The following PTK2 variants were observed in gnomAD, a reference collection of about 807,000 sequenced individuals.
PTK2 encodes the protein focal adhesion kinase 1.
A neutral mutation model predicts 150.1 loss-of-function variants in PTK2; 45 were observed. The observed-to-expected ratio is 0.30, with a 90% CI of 0.24 to 0.38. The LOEUF (loss-of-function observed/expected upper bound fraction) is 0.38. PTK2 is among the 10% of genes least tolerant of loss of function. The pLI is 1.00. For missense variants in PTK2, 919 were observed against 1,307.3 expected, an observed-to-expected ratio of 0.70 and a Z score of 4.58; for synonymous variants, 432 against 449.2, an observed-to-expected ratio of 0.96 and a Z score of 0.48.
At chr8:140,986,374 C>T (rs1190347704) in intron 1 of PTK2, among the ~76,000 whole-genome samples, 1 of 152,162 alleles carries the variant, frequency 6.6e-6, no homozygotes, top group Non-Finnish European at 1.5e-5. Context: ...AACCCTCCTT[C>T]TGAAAAAGAC....
At chr8:140,864,888 T>C (rs1413762458) in intron 4 of PTK2, among the ~76,000 whole-genome samples, 1 of 152,260 alleles carries the variant, frequency 6.6e-6, no homozygotes, top group Non-Finnish European at 1.5e-5. Flanking sequence ...AACACTTTTA[T>C]AAATGTCTTC....
intron 7 of PTK2, among the ~76,000 whole-genome samples, chr8:140,838,998 C>T (rs1296662200): frequency 6.7e-6 from 1 of 150,002 alleles, no homozygotes; most frequent in Non-Finnish European, 1.5e-5. Flanking sequence ...GAGTGAGACT[C>T]CGTCTCAAAA....
At position 140,743,505 on chromosome 8, in the gene PTK2, A is replaced by T. The variant is rs45499592; in HGVS notation, c.1635-175T>A. On this transcript the variant is annotated intron_variant, in intron 19 of 31. Transcript: ENST00000522684. Reference sequence around the variant, plus strand: ...ATAAATCTCATATATACACACACACAAAATTTACTTCATATATATTCTTTT... The same window carrying T: ...ATAAATCTCATATATACACACACACTAAATTTACTTCATATATATTCTTTT... 2.6e-5 allele frequency among the ~76,000 whole-genome samples: 4 copies of T among 152,098 alleles called. No individual in the cohort carries two copies. In the East Asian group the frequency reaches 7.7e-4, roughly 29 times the overall value.
intron 1 of PTK2, among the ~76,000 whole-genome samples, chr8:140,977,280 A>T (rs1163848201): frequency 1.3e-5 from 2 of 152,250 alleles, no homozygotes; most frequent in Admixed American, 1.3e-4. Flanking sequence ...CTAGTCCCAG[A>T]AACTCAGAAG....
At chr8:140,740,043 T>A (rs2100054825) in intron 20 of PTK2, among the ~76,000 whole-genome samples, 1 of 152,192 alleles carries the variant, frequency 6.6e-6, no homozygotes, top group Non-Finnish European at 1.5e-5. Context: ...GGCAATGGGA[T>A]AAGAAGGACT....
intron 3 of PTK2, among the ~76,000 whole-genome samples, chr8:140,880,074 A>C (rs1006684925): frequency 6.6e-6 from 1 of 152,220 alleles, no homozygotes; most frequent in African/African-American, 2.4e-5. Context: ...GTTCAAGACC[A>C]GGCTGCAACA....
intron 31 of PTK2, among the ~76,000 whole-genome samples, chr8:140,660,363 C>T (rs1281890946): frequency 6.6e-6 from 1 of 152,194 alleles, no homozygotes; most frequent in Non-Finnish European, 1.5e-5. Context: ...GTTCTGACTT[C>T]TGGTCTTATG....
chr8:140,806,933 C>T (rs566389517), intron 10 of PTK2, among the ~76,000 whole-genome samples: 14 of 152,328 alleles, frequency 9.2e-5, no homozygotes, highest in Admixed American at 5.2e-4. Flanking sequence ...TCTCACGCCA[C>T]CCTACTATAG....
intron 1 of PTK2, among the ~76,000 whole-genome samples, chr8:140,975,329 T>C (rs967457971): frequency 4.6e-5 from 7 of 152,174 alleles, no homozygotes; most frequent in Non-Finnish European, 1.0e-4. Context: ...AAAATTTATA[T>C]CAGAATCAAG....
chr8:140,710,122 C>T (rs1331011002), intron 23 of PTK2, among the ~76,000 whole-genome samples: 2 of 151,874 alleles, frequency 1.3e-5, no homozygotes, highest in Non-Finnish European at 2.9e-5. Context: ...TGAGACCAGC[C>T]TAGGCAACAC....
intron 4 of PTK2, among the ~76,000 whole-genome samples, chr8:140,869,439 A>G (rs1338097804): frequency 3.9e-5 from 6 of 152,152 alleles, no homozygotes; most frequent in Non-Finnish European, 8.8e-5. Context: ...CCTTGTATAG[A>G]ATCAGTAGTG....
At chr8:140,891,019 C>G (rs748174611) in intron 2 of PTK2, among the ~76,000 whole-genome samples, 3 of 152,060 alleles carry the variant, frequency 2.0e-5, no homozygotes, top group Non-Finnish European at 4.4e-5. Context: ...CCAATTTCAG[C>G]TGTGTCAAAA....
At chr8:140,838,814 G>A (rs1315555907) in intron 7 of PTK2, among the ~76,000 whole-genome samples, 3 of 152,100 alleles carry the variant, frequency 2.0e-5, no homozygotes, top group Non-Finnish European at 4.4e-5. Context: ...AGACCATCCT[G>A]GCTAACATGG....
chr8:140,683,536 A>T (rs1485559133), intron 27 of PTK2, among the ~76,000 whole-genome samples: 1 of 152,176 alleles, frequency 6.6e-6, no homozygotes. Context: ...CAAACCTGGC[A>T]GAAACAACAA....
intron 1 of PTK2, among the ~76,000 whole-genome samples, chr8:140,979,098 C>T (rs1276188659): frequency 1.3e-4 from 13 of 103,274 alleles, no homozygotes; most frequent in Non-Finnish European, 2.2e-4. Flanking sequence ...CATCACACAC[C>T]GGGGCCTGTT....
chr8:140,949,204 A>T (rs924867353), intron 1 of PTK2, among the ~76,000 whole-genome samples: 1 of 152,090 alleles, frequency 6.6e-6, no homozygotes, highest in African/African-American at 2.4e-5. Flanking sequence ...CTCTGTTGTA[A>T]AAATACAGTA....
chr8:140,951,793 C>T (rs368218793), intron 1 of PTK2, among the ~76,000 whole-genome samples: 7 of 151,614 alleles, frequency 4.6e-5, no homozygotes, highest in South Asian at 2.1e-4. Context: ...CTGAAATGGG[C>T]GCATCATTTG....
chr8:140,919,676 T>C (rs751351776), intron 2 of PTK2, among the ~76,000 whole-genome samples: 41 of 152,190 alleles, frequency 2.7e-4, no homozygotes, highest in Non-Finnish European at 2.9e-5. Context: ...CACTCACTTA[T>C]ACTATACATT....
chr8:140,879,546 T>C (rs761055281), exon 4 of PTK2: 1 of 1,613,884 alleles, frequency 6.2e-7, no homozygotes, highest in Non-Finnish European at 8.5e-7. Flanking sequence ...GTGAAGCCAG[T>C]GAACCTCCTC....
Sources: gnomAD v4.1 joint callset for allele counts (sites outside exome capture counted in the v4.1 genomes callset) on GRCh38, gnomAD v4.1.1 for gene constraint, MANE v1.5 for transcripts, NCBI Gene and HGNC (gene_info 2026-07-23, HGNC 2026-07-21) for gene names.